The following KCNMB2 variants were observed in gnomAD, a reference collection of about 807,000 sequenced individuals.
KCNMB2 encodes calcium-activated potassium channel subunit beta-2.
KCNMB2 carries 9 observed loss-of-function variants against 24.5 expected under a neutral mutation model. That is an observed-to-expected ratio of 0.37 (90% CI 0.22 to 0.64). The LOEUF is 0.64. KCNMB2 is among the 30% of genes least tolerant of loss of function. KCNMB2 has a pLI of 0.63. For synonymous variants in KCNMB2, 109 were observed against 104.4 expected (o/e 1.04, Z -0.27); for missense variants, 226 against 284.3 (o/e 0.79, Z 1.47).
intron 1 of KCNMB2, among the ~76,000 whole-genome samples, chr3:178,699,060 C>T (rs1442053922): frequency 6.6e-6 from 1 of 152,246 alleles, no homozygotes; most frequent in Non-Finnish European, 1.5e-5. Flanking sequence ...TGTGGGCATC[C>T]ACCACAGTGG....
chr3:178,835,298 C>A (rs1715185833), intron 4 of KCNMB2, among the ~76,000 whole-genome samples: 1 of 152,090 alleles, frequency 6.6e-6, no homozygotes, highest in African/African-American at 2.4e-5. Context: ...GAACGGTCCA[C>A]TTGCCAAAAT....
chr3:178,781,670 G>A (rs1326417352), intron 1 of KCNMB2, among the ~76,000 whole-genome samples: 2 of 151,760 alleles, frequency 1.3e-5, no homozygotes, highest in Non-Finnish European at 2.9e-5. Context: ...TGACTGCTGG[G>A]ATCTGGGATG....
chr3:178,791,215 A>G (rs994552519), intron 1 of KCNMB2, among the ~76,000 whole-genome samples: 10 of 152,244 alleles, frequency 6.6e-5, no homozygotes, highest in Non-Finnish European at 1.5e-4. Context: ...AGGAAGCTCA[A>G]TGGAATTCAA....
At chr3:178,645,331 T>C (rs1025633330) in intron 1 of KCNMB2, among the ~76,000 whole-genome samples, 4 of 152,114 alleles carry the variant, frequency 2.6e-5, no homozygotes, top group African/African-American at 7.2e-5. Flanking sequence ...ATTACAAGTA[T>C]GAGCCACCGC....
chr3:178,667,653 G>A (rs908093664), intron 1 of KCNMB2, among the ~76,000 whole-genome samples: 3 of 152,240 alleles, frequency 2.0e-5, no homozygotes, highest in South Asian at 2.1e-4. Flanking sequence ...AGAGGCTTTA[G>A]AAGAAACCAA....
chr3:178,694,369 T>C (rs1483701981), intron 1 of KCNMB2, among the ~76,000 whole-genome samples: 2 of 152,148 alleles, frequency 1.3e-5, no homozygotes, highest in Non-Finnish European at 2.9e-5. Context: ...TCCCCTCCTG[T>C]CCTCTCCCAA....
chr3:178,649,362 TA>T (rs1720026714), intron 1 of KCNMB2, among the ~76,000 whole-genome samples: 1 of 152,160 alleles, frequency 6.6e-6, no homozygotes, highest in South Asian at 2.1e-4. Context: ...TTATTTCAAT[TA>T]GAAGCTTTTT....
intron 1 of KCNMB2, among the ~76,000 whole-genome samples, chr3:178,672,697 GGTACAT>G (rs1720944275): frequency 2.0e-5 from 3 of 152,058 alleles, no homozygotes; most frequent in Admixed American, 1.3e-4. Flanking sequence ...GGAAGCTGAT[GGTACAT>G]CCTAAGCTAA....
At chr3:178,827,033 T>G (rs2108468940) in intron 3 of KCNMB2, among the ~76,000 whole-genome samples, 1 of 152,284 alleles carries the variant, frequency 6.6e-6, no homozygotes, top group African/African-American at 2.4e-5. Flanking sequence ...TCAGGTCTAG[T>G]ATCCTGCTTC....
intron 1 of KCNMB2, among the ~76,000 whole-genome samples, chr3:178,668,609 G>C (rs1720798293): frequency 6.6e-6 from 1 of 152,102 alleles, no homozygotes; most frequent in African/African-American, 2.4e-5. Context: ...TTCCCTACGA[G>C]GTCCTAAAGT....
intron 1 of KCNMB2, among the ~76,000 whole-genome samples, chr3:178,693,657 T>C (rs527570560): frequency 6.6e-6 from 1 of 152,318 alleles, no homozygotes; most frequent in Admixed American, 6.5e-5. Flanking sequence ...TGCCAGTATT[T>C]TGCTGAGGAT....
intron 1 of KCNMB2, among the ~76,000 whole-genome samples, chr3:178,702,425 A>G (rs1432924817): frequency 1.3e-5 from 2 of 150,804 alleles, no homozygotes; most frequent in South Asian, 4.2e-4. Flanking sequence ...AGAACTTAAA[A>G]AGTATAATAA....
chr3:178,712,187 A>G (rs1374858048), intron 1 of KCNMB2, among the ~76,000 whole-genome samples: 2 of 152,180 alleles, frequency 1.3e-5, no homozygotes, highest in South Asian at 2.1e-4. Flanking sequence ...TTTTTTCCCA[A>G]CAGAAAATAA....
intron 1 of KCNMB2, among the ~76,000 whole-genome samples, chr3:178,792,204 A>G (rs1698122167): frequency 6.6e-6 from 1 of 152,226 alleles, no homozygotes; most frequent in Admixed American, 6.5e-5. Context: ...ACATAGTATA[A>G]TAAGGAATAA....
At chr3:178,567,003 A>C (rs1269022793) in intron 1 of KCNMB2, among the ~76,000 whole-genome samples, 2 of 152,230 alleles carry the variant, frequency 1.3e-5, no homozygotes, top group African/African-American at 2.4e-5. Context: ...AATTACACAG[A>C]TTAATAAGAT....
At chr3:178,811,483 C>A (rs1468878457) in intron 2 of KCNMB2, among the ~76,000 whole-genome samples, 1 of 152,110 alleles carries the variant, frequency 6.6e-6, no homozygotes, top group Non-Finnish European at 1.5e-5. Context: ...ATTTATTCTG[C>A]AACTTGTTTT....
At chr3:178,582,668 C>A (rs1717260167) in intron 1 of KCNMB2, among the ~76,000 whole-genome samples, 1 of 152,122 alleles carries the variant, frequency 6.6e-6, no homozygotes, top group Admixed American at 6.6e-5. Context: ...TCACATCTAT[C>A]ACTAATTTTT....
intron 1 of KCNMB2, among the ~76,000 whole-genome samples, chr3:178,691,726 A>G (rs1311394196): frequency 6.6e-6 from 1 of 151,682 alleles, no homozygotes; most frequent in Non-Finnish European, 1.5e-5. Flanking sequence ...ATACGCATGC[A>G]TGTGTCTTTA....
intron 1 of KCNMB2, among the ~76,000 whole-genome samples, chr3:178,777,925 G>C (rs1246199074): frequency 1.3e-5 from 2 of 152,170 alleles, no homozygotes; most frequent in African/African-American, 4.8e-5. Flanking sequence ...CTAGGGATGT[G>C]TCACATCATC....
Sources: gnomAD v4.1 joint callset for allele counts (sites outside exome capture counted in the v4.1 genomes callset) on GRCh38, gnomAD v4.1.1 for gene constraint, MANE v1.5 for transcripts, NCBI Gene and HGNC (gene_info 2026-07-23, HGNC 2026-07-21) for gene names.